UBE2V2: variants seen among roughly 807,000 people sequenced by gnomAD.
UBE2V2 encodes the protein ubiquitin conjugating enzyme E2 V2.
Under a neutral mutation model 17.2 loss-of-function variants are expected in UBE2V2, and 9 were observed. The observed-to-expected ratio is 0.52, with a 90% CI of 0.32 to 0.91. UBE2V2 has a LOEUF of 0.91. Ranked by LOEUF, UBE2V2 falls within the 40% of genes least tolerant of loss-of-function variation. UBE2V2 has a pLI of 0.04. For synonymous variants in UBE2V2, 61 were observed against 57.5 expected (o/e 1.06, Z -0.28); for missense variants, 133 against 182.6 (o/e 0.73, Z 1.56).
intron 3 of UBE2V2, among the ~76,000 whole-genome samples, chr8:48,055,887 TAG>T (rs1288736022): frequency 6.6e-6 from 1 of 151,804 alleles, no homozygotes; most frequent in East Asian, 1.9e-4. Flanking sequence ...GCCTCCCAAG[TAG>T]CTGGGACTAC....
At position 48,016,186 on chromosome 8, in the gene UBE2V2, C is replaced by T. The variant is rs546019506; in HGVS notation, c.16+7716C>T. 1.1e-4 allele frequency among the ~76,000 whole-genome samples: 16 copies of T among 152,212 alleles called. No homozygotes were observed. The South Asian group carries it at 2.5e-3, about 24-fold the overall frequency. On this transcript the variant is annotated intron_variant, in intron 1 of 3. Transcript: ENST00000523111. ...TATGGGGATTACAGGCGTGAGCCAC[C>T]GCGCTCAGCCTATCCATTTGTTGGT...
At chr8:48,042,636 G>A (rs2091471453) in intron 1 of UBE2V2, 1 of 151,166 alleles carries the variant, frequency 6.6e-6, no homozygotes, top group Admixed American at 6.6e-5. Flanking sequence ...TCTACTCTTT[G>A]AAAATCATTA....
At position 48,061,683 on chromosome 8, in the gene UBE2V2, G is replaced by A. The variant is rs1366109829; in HGVS notation, c.*855G>A. 4 of 152,430 alleles carry A rather than the reference G, an allele frequency of 2.6e-5. No individual in the cohort carries two copies. Among genetic ancestry groups the A allele is most frequent in the African/African-American group, 4.8e-5 (2 of 41,404 alleles). 9.4% of individuals were successfully genotyped at this position (152,430 alleles called of 1,614,324 possible). A position where few individuals can be genotyped will look rare whatever the true frequency, so the allele number is the denominator to read the frequency against. On this transcript the variant is annotated 3_prime_UTR_variant, in exon 4 of 4. Coordinates refer to ENST00000523111, the MANE Select transcript of UBE2V2 (RefSeq NM_003350.3). ...TACACACTTTTATTTACCCTATTTT[G>A]TGTACTTCTTGTGAATTATAATTTG...
chr8:48,034,017 T>A (rs1186512249), intron 1 of UBE2V2, among the ~76,000 whole-genome samples: 1 of 152,206 alleles, frequency 6.6e-6, no homozygotes, highest in Non-Finnish European at 1.5e-5. Context: ...TCATCCTACA[T>A]ACCTGCTACT....
intron 2 of UBE2V2, among the ~76,000 whole-genome samples, chr8:48,043,866 T>C (rs2091480786): frequency 1.3e-5 from 2 of 152,138 alleles, no homozygotes; most frequent in Non-Finnish European, 2.9e-5. Flanking sequence ...TTTGTCTTTC[T>C]TGGGTTTATG....
intron 1 of UBE2V2, among the ~76,000 whole-genome samples, chr8:48,040,366 C>G (rs2091453384): frequency 6.6e-6 from 1 of 152,134 alleles, no homozygotes. Context: ...TCAGATTTCA[C>G]CACTACTGTT....
intron 3 of UBE2V2, among the ~76,000 whole-genome samples, chr8:48,058,241 G>T (rs1319853185): frequency 2.0e-5 from 3 of 152,098 alleles, no homozygotes; most frequent in Non-Finnish European, 4.4e-5. Context: ...GGCTGAGGCG[G>T]GTGGATCATG....
At chr8:48,051,392 C>T (rs1055023876) in intron 3 of UBE2V2, among the ~76,000 whole-genome samples, 3 of 152,092 alleles carry the variant, frequency 2.0e-5, no homozygotes, top group East Asian at 1.9e-4. Context: ...TCCTTGATTT[C>T]TCATCCCATC....
chr8:48,039,237 T>A (rs1419742730), intron 1 of UBE2V2, among the ~76,000 whole-genome samples: 2 of 152,184 alleles, frequency 1.3e-5, no homozygotes, highest in Admixed American at 1.3e-4. Context: ...CACTAACACC[T>A]TTATACTTTT....
rs369069848 is a variant in UBE2V2 at position 48,038,346 on chromosome 8, C to T, written c.17-4687C>T. 1.4e-4 allele frequency among the ~76,000 whole-genome samples: 22 copies of T among 152,220 alleles called. 1 individual carries two copies. The highest frequency in any genetic ancestry group is 4.3e-4 in the African/African-American group (18 of 41,548). On this transcript the variant is annotated intron_variant, in intron 1 of 3. Coordinates refer to ENST00000523111, the MANE Select transcript of UBE2V2 (RefSeq NM_003350.3). ...TTATTTATTTATTTTGAGACAGAGT[C>T]GGACTCCGTCACCCAAAATGGAGTG...
chr8:48,040,442 T>A (rs974298498), intron 1 of UBE2V2, among the ~76,000 whole-genome samples: 13 of 152,310 alleles, frequency 8.5e-5, no homozygotes, highest in African/African-American at 3.1e-4. Flanking sequence ...TTGTCATGCC[T>A]CTATTCTCTT....
At chr8:48,035,734 C>G (rs1229743937) in intron 1 of UBE2V2, among the ~76,000 whole-genome samples, 2 of 376 alleles carry the variant, frequency 5.3e-3, no homozygotes, top group Non-Finnish European at 0.022. Context: ...CCTGCCTCAG[C>G]CTCGCAGGAG....
At chr8:48,035,493 G>C (rs1028951667) in intron 1 of UBE2V2, among the ~76,000 whole-genome samples, 1 of 151,888 alleles carries the variant, frequency 6.6e-6, no homozygotes, top group Non-Finnish European at 1.5e-5. Context: ...GGGTGTGCCT[G>C]GGCCTGGAGG....
intron 1 of UBE2V2, among the ~76,000 whole-genome samples, chr8:48,039,394 G>A (rs1213007246): frequency 6.6e-6 from 1 of 152,164 alleles, no homozygotes; most frequent in African/African-American, 2.4e-5. Flanking sequence ...CAGTTTGGTG[G>A]CTAGAATAAG....
At chr8:48,012,964 G>C (rs899498610) in intron 1 of UBE2V2, among the ~76,000 whole-genome samples, 8 of 151,382 alleles carry the variant, frequency 5.3e-5, no homozygotes, top group African/African-American at 1.9e-4. Flanking sequence ...TCCTGCCTCA[G>C]CCTCCCGAGT....
intron 1 of UBE2V2, among the ~76,000 whole-genome samples, chr8:48,023,637 C>T (rs1439127354): frequency 6.6e-6 from 1 of 151,898 alleles, no homozygotes; most frequent in African/African-American, 2.4e-5. Context: ...TTTGGAAGGC[C>T]AAGGCAGGAG....
chr8:48,024,071 A>G (rs1188164826), intron 1 of UBE2V2, among the ~76,000 whole-genome samples: 1 of 152,170 alleles, frequency 6.6e-6, no homozygotes, highest in Non-Finnish European at 1.5e-5. Context: ...TGGTATTTTC[A>G]GTAAGCTGGA....
intron 3 of UBE2V2, among the ~76,000 whole-genome samples, chr8:48,056,064 C>A (rs375760265): frequency 6.6e-6 from 1 of 152,136 alleles, no homozygotes; most frequent in South Asian, 2.1e-4. Context: ...AGCCCACTTT[C>A]TGTCTTTATA....
At chr8:48,045,781 T>A (rs796949092) in intron 2 of UBE2V2, among the ~76,000 whole-genome samples, 5 of 152,232 alleles carry the variant, frequency 3.3e-5, no homozygotes, top group African/African-American at 1.2e-4. Flanking sequence ...CCTTCTCAGT[T>A]CTCTTGAAGG....
Sources: gnomAD v4.1 joint callset for allele counts (sites outside exome capture counted in the v4.1 genomes callset) on GRCh38, gnomAD v4.1.1 for gene constraint, MANE v1.5 for transcripts, NCBI Gene and HGNC (gene_info 2026-07-23, HGNC 2026-07-21) for gene names.